TRAF3IP3: variants seen among roughly 807,000 people sequenced by gnomAD.
TRAF3IP3 encodes the protein TRAF3 interacting protein 3.
In TRAF3IP3, 64 loss-of-function variants were observed where a neutral mutation model predicts 86.5. The observed-to-expected ratio is 0.74, with a 90% CI of 0.60 to 0.91. The LOEUF (loss-of-function observed/expected upper bound fraction) is 0.91, where lower values mean the gene tolerates loss of function less well. Among genes scored for constraint, TRAF3IP3 ranks in the 40% least tolerant of loss-of-function variants. The pLI is 0.00. For missense variants in TRAF3IP3, 579 were observed against 642.9 expected (o/e 0.90, Z 1.07); for synonymous variants, 220 against 243.9 (o/e 0.90, Z 0.91).
intron 3 of TRAF3IP3, 132 bp downstream of exon 3, chr1:209,760,516 C>G (rs2077228110): frequency 1.3e-6 from 1 of 757,038 alleles, no homozygotes; most frequent in Non-Finnish European, 2.1e-6. Context: ...GTAAAGTTGC[C>G]AAGAGCTACT....
Position 209,759,971 on chromosome 1 carries a change from G to A in TRAF3IP3, c.-58-11G>A. ...ACCCCTCCCCTTCTCCTCCCTCTTG[G>A]CATTTGGCAGATCCAGGCATCTATT... On this transcript the variant is annotated splice_polypyrimidine_tract_variant and intron_variant, in intron 2 of 16. Transcript: ENST00000367025. The A allele has an allele frequency of 1.5e-6, 2 of 1,342,310 alleles. No homozygotes were observed. Among genetic ancestry groups the A allele is most frequent in the Non-Finnish European group, 2.1e-6 (2 of 949,236 alleles). The allele number at this position is 1,342,310 out of a possible 1,614,324, so 83.1% of individuals were successfully genotyped here. A position where few individuals can be genotyped will look rare whatever the true frequency, so the allele number is the denominator to read the frequency against.
chr1:209,768,676 G>T, intron 8 of TRAF3IP3: 2 of 985,594 alleles, frequency 2.0e-6, no homozygotes, highest in Non-Finnish European at 1.2e-6. Flanking sequence ...TATGGCCTCC[G>T]CCTTGCTCCT....
chr1:209,762,963 G>C, intron 5 of TRAF3IP3, 93 bp downstream of exon 5: 1 of 1,600,480 alleles, frequency 6.2e-7, no homozygotes. Context: ...TAAGAAAGAG[G>C]AAGCCCTTCC....
intron 8 of TRAF3IP3, among the ~76,000 whole-genome samples, chr1:209,771,440 T>C (rs1446619063): frequency 1.2e-5 from 1 of 82,784 alleles, no homozygotes; most frequent in Non-Finnish European, 2.1e-5. Flanking sequence ...TGTGTGCATG[T>C]GGAGGTGTGT....
chr1:209,769,013 T>C (rs867514376), intron 8 of TRAF3IP3, among the ~76,000 whole-genome samples: 37 of 152,152 alleles, frequency 2.4e-4, no homozygotes, highest in South Asian at 2.1e-4. Context: ...GAAAAGTAAT[T>C]TGGGGTTGGG....
chr1:209,768,953 AT>A (rs1365886604), intron 8 of TRAF3IP3, among the ~76,000 whole-genome samples: 2 of 152,348 alleles, frequency 1.3e-5, no homozygotes, highest in African/African-American at 4.8e-5. Flanking sequence ...GTGGCCCTTC[AT>A]CCCCACTGAA....
chr1:209,773,058 G>T (rs1371861475), intron 9 of TRAF3IP3, 39 bp downstream of exon 9: 1 of 1,522,592 alleles, frequency 6.6e-7, no homozygotes, highest in Non-Finnish European at 9.0e-7. Context: ...CAGGAATCTA[G>T]AATTAAATGA....
intron 8 of TRAF3IP3, among the ~76,000 whole-genome samples, chr1:209,772,578 C>T (rs899124875): frequency 2.0e-5 from 3 of 152,076 alleles, no homozygotes; most frequent in Admixed American, 6.5e-5. Context: ...GAAAAGTCCA[C>T]GTACAAGACT....
chr1:209,779,484 C>T, intron 14 of TRAF3IP3, 110 bp downstream of exon 14: 1 of 921,456 alleles, frequency 1.1e-6, no homozygotes, highest in Non-Finnish European at 1.8e-6. Flanking sequence ...TTCTGGGAGT[C>T]TGTTAAGTCC....
chr1:209,766,845 C>T (rs1330496228), intron 8 of TRAF3IP3, among the ~76,000 whole-genome samples: 19 of 152,102 alleles, frequency 1.2e-4, no homozygotes, highest in Admixed American at 7.9e-4. Flanking sequence ...GCCTGGGTGA[C>T]GGAGCAAGAT....
chr1:209,777,755 C>G (rs910896057), intron 12 of TRAF3IP3: 4 of 501,302 alleles, frequency 8.0e-6, no homozygotes, highest in African/African-American at 7.8e-5. Context: ...CACAGCTGCT[C>G]CCACATCAGT....
intron 14 of TRAF3IP3, 171 bp downstream of exon 14, chr1:209,779,545 C>A: frequency 2.8e-6 from 2 of 720,232 alleles, no homozygotes; most frequent in Admixed American, 4.0e-5. Context: ...GAGGACACTT[C>A]AACTAGTTAG....
chr1:209,765,469 C>G (rs1008659546), intron 8 of TRAF3IP3, among the ~76,000 whole-genome samples: 5 of 152,000 alleles, frequency 3.3e-5, no homozygotes, highest in Non-Finnish European at 5.9e-5. Context: ...AGTTCAAGAC[C>G]AGCCTGGGCA....
At chr1:209,765,241 G>GA (rs2077331561) in intron 8 of TRAF3IP3, among the ~76,000 whole-genome samples, 3 of 95,026 alleles carry the variant, frequency 3.2e-5, no homozygotes, top group Admixed American at 3.1e-4. Context: ...AAGGAAGGAA[G>GA]GAAGGAAGGA....
chr1:209,762,522 G>C lies in TRAF3IP3; in HGVS notation c.353G>C (p.Gly118Ala). The C allele has an allele frequency of 1.4e-6, 2 of 1,447,540 alleles. No individual in the cohort carries two copies. The highest frequency in any genetic ancestry group is 1.7e-5 in the South Asian group (1 of 60,012). The allele number at this position is 1,447,540 out of a possible 1,614,324, so 89.7% of individuals were successfully genotyped here. A position where few individuals can be genotyped will look rare whatever the true frequency, so the allele number is the denominator to read the frequency against. Residue 118 changes from glycine (G) to alanine (A), a missense_variant, in exon 4 of 17, where the codon GGC (glycine) becomes GCC (alanine). Transcript: ENST00000367025. ...RISSPREQVTGTSSEVFPAQH... is the reference protein window; with the variant it reads ...RISSPREQVTATSSEVFPAQH... The stretch of plus-strand genomic sequence containing the variant: ...TCCCCACTTGCCTTCCAGGTGACAG[G>C]CACCAGCTCTGAAGTCTTTCCAGCC...
At chr1:209,763,906 C>G (rs611861) in intron 8 of TRAF3IP3, among the ~76,000 whole-genome samples, 97,792 of 152,064 alleles carry the variant, frequency 0.64, 34,153 homozygotes, top group Non-Finnish European at 0.77. Context: ...ACTAAATATG[C>G]TAAATGTCAA....
chr1:209,762,149 A>G (rs1571913144), intron 3 of TRAF3IP3, among the ~76,000 whole-genome samples: 1 of 152,208 alleles, frequency 6.6e-6, no homozygotes, highest in African/African-American at 2.4e-5. Flanking sequence ...TTCTAAACCC[A>G]TGGATTCTGC....
chr1:209,773,218 C>T (rs986294013), intron 9 of TRAF3IP3, among the ~76,000 whole-genome samples, 199 bp downstream of exon 9: 1 of 152,168 alleles, frequency 6.6e-6, no homozygotes, highest in African/African-American at 2.4e-5. Context: ...TCTTCCTCTC[C>T]CTTTCTCCCA....
chr1:209,775,253 G>A (rs1223054027), intron 9 of TRAF3IP3, 96 bp from the exon 10 acceptor site: 3 of 1,232,180 alleles, frequency 2.4e-6, no homozygotes, highest in Non-Finnish European at 2.3e-6. Context: ...TCTCTGCCTG[G>A]GGGAAGAACC....
Sources: gnomAD v4.1 joint callset for allele counts (sites outside exome capture counted in the v4.1 genomes callset) on GRCh38, gnomAD v4.1.1 for gene constraint, MANE v1.5 for transcripts, NCBI Gene and HGNC (gene_info 2026-07-23, HGNC 2026-07-21) for gene names.